CHODL: variants seen among roughly 807,000 people sequenced by gnomAD.
CHODL encodes chondrolectin.
In CHODL, 29 loss-of-function variants were observed where a neutral mutation model predicts 34.5. The observed-to-expected ratio is 0.84, with a 90% CI of 0.63 to 1.15. CHODL has a LOEUF of 1.15. Among genes scored for constraint, CHODL ranks in the 50% most tolerant of loss-of-function variants. CHODL has a pLI of 0.00. For missense variants in CHODL, 332 were observed against 332.5 expected, an observed-to-expected ratio of 1.00 and a Z score of 0.01; for synonymous variants, 125 against 116.1, an observed-to-expected ratio of 1.08 and a Z score of -0.49.
chr21:17,977,085 A>G (rs2063669331), intron 1 of CHODL, among the ~76,000 whole-genome samples: 1 of 152,230 alleles, frequency 6.6e-6, no homozygotes, highest in Non-Finnish European at 1.5e-5. Context: ...AGGTGGATTC[A>G]GCATTTCCTA....
rs1178964195 is a variant in CHODL at position 18,245,060 on chromosome 21, C to T, written c.-164C>T. The stretch of plus-strand genomic sequence containing the variant: ...GCACAGGCGCGGCAGGCGGCAGGTC[C>T]CGGCCGAAGGCGATGCGCGCAGGGG... On this transcript the variant is annotated 5_prime_UTR_variant, in exon 1 of 6. Transcript: ENST00000299295. 1.3e-5 allele frequency: 7 copies of T among 558,316 alleles called. No individual in the cohort carries two copies. The highest frequency in any genetic ancestry group is 2.0e-5 in the Non-Finnish European group (7 of 343,322). The allele number at this position is 558,316 out of a possible 1,614,324, so 34.6% of individuals were successfully genotyped here.
chr21:18,019,068 G>C (rs56289939), intron 1 of CHODL, among the ~76,000 whole-genome samples: 2,361 of 152,228 alleles, frequency 0.016, 37 homozygotes, highest in Non-Finnish European at 0.024. Context: ...AAACAATAAA[G>C]ATAAAAATGA....
At chr21:17,923,230 A>G (rs2063196148) in intron 1 of CHODL, among the ~76,000 whole-genome samples, 1 of 150,782 alleles carries the variant, frequency 6.6e-6, no homozygotes, top group Admixed American at 6.6e-5. Context: ...TTTTCCTTTC[A>G]CAAGCTTTTC....
intron 2 of CHODL, among the ~76,000 whole-genome samples, chr21:18,166,081 C>A (rs1223567843): frequency 1.3e-5 from 2 of 152,154 alleles, no homozygotes; most frequent in African/African-American, 4.8e-5. Context: ...CAGGCCGCAC[C>A]CTTTCTGGAG....
chr21:17,918,164 G>A (rs1297017177), intron 1 of CHODL, among the ~76,000 whole-genome samples: 1 of 151,774 alleles, frequency 6.6e-6, no homozygotes, highest in Non-Finnish European at 1.5e-5. Flanking sequence ...GGGGGTGAGG[G>A]GGGTTTTCAA....
chr21:17,972,816 A>C (rs1024291626), intron 1 of CHODL, among the ~76,000 whole-genome samples: 4 of 152,226 alleles, frequency 2.6e-5, no homozygotes, highest in African/African-American at 7.2e-5. Context: ...TGGAACCAAA[A>C]AAGAGCCCAT....
intron 2 of CHODL, among the ~76,000 whole-genome samples, chr21:18,092,988 G>A (rs558556350): frequency 6.6e-6 from 1 of 152,090 alleles, no homozygotes; most frequent in Admixed American, 6.6e-5. Context: ...GTACGAGAAG[G>A]TTATAGAACA....
chr21:18,050,478 TA>T (rs2064499989), intron 2 of CHODL, among the ~76,000 whole-genome samples: 1 of 151,970 alleles, frequency 6.6e-6, no homozygotes, highest in Non-Finnish European at 1.5e-5. Context: ...GCTGTGGCTG[TA>T]GTGCAGGGCA....
intron 1 of CHODL, among the ~76,000 whole-genome samples, chr21:17,965,644 G>C (rs115868774): frequency 6.6e-6 from 1 of 152,010 alleles, no homozygotes; most frequent in Non-Finnish European, 1.5e-5. Context: ...ATGATTTCAC[G>C]TCACTTTCTT....
intron 2 of CHODL, among the ~76,000 whole-genome samples, chr21:18,068,031 TTC>T (rs1054879313): frequency 1.3e-5 from 2 of 152,154 alleles, no homozygotes; most frequent in African/African-American, 4.8e-5. Flanking sequence ...AATACTTTTT[TTC>T]TCTTATTGGT....
At chr21:18,215,571 T>A (rs1428088762) in intron 2 of CHODL, among the ~76,000 whole-genome samples, 1 of 152,052 alleles carries the variant, frequency 6.6e-6, no homozygotes, top group Non-Finnish European at 1.5e-5. Context: ...AGTTGAAATA[T>A]ATACTTACAT....
chr21:18,029,036 GCTTT>G (rs565417481), intron 2 of CHODL, among the ~76,000 whole-genome samples: 86 of 152,246 alleles, frequency 5.6e-4, no homozygotes, highest in Non-Finnish European at 1.1e-3. Context: ...TACCCATTAT[GCTTT>G]CTCTTTCTCA....
chr21:18,056,658 A>G (rs559187981), intron 2 of CHODL, among the ~76,000 whole-genome samples: 72 of 151,368 alleles, frequency 4.8e-4, no homozygotes, highest in Admixed American at 3.1e-3. Context: ...AATTCCTCCT[A>G]TTTTTCATCT....
chr21:17,992,920 TGG>T (rs1210187472), intron 1 of CHODL, among the ~76,000 whole-genome samples: 1 of 152,244 alleles, frequency 6.6e-6, no homozygotes, highest in African/African-American at 2.4e-5. Context: ...CCGAAAGTCC[TGG>T]GACCACAGGT....
At chr21:18,077,102 G>A (rs561908295) in intron 2 of CHODL, among the ~76,000 whole-genome samples, 2 of 152,320 alleles carry the variant, frequency 1.3e-5, no homozygotes, top group South Asian at 4.1e-4. Context: ...ACCTCAGTGT[G>A]CATGGAGGGT....
At chr21:17,992,907 C>A (rs772250214) in intron 1 of CHODL, among the ~76,000 whole-genome samples, 1 of 151,982 alleles carries the variant, frequency 6.6e-6, no homozygotes, top group Non-Finnish European at 1.5e-5. Context: ...CTTGCCTCAG[C>A]CTCCGAAAGT....
chr21:18,246,250 G>C (rs1360501498), intron 1 of CHODL, among the ~76,000 whole-genome samples: 1 of 152,142 alleles, frequency 6.6e-6, no homozygotes, highest in Non-Finnish European at 1.5e-5. Context: ...ATTGCAATAA[G>C]TATTTGTTGG....
chr21:18,185,213 C>T (rs1349866774), intron 2 of CHODL, among the ~76,000 whole-genome samples: 2 of 152,088 alleles, frequency 1.3e-5, no homozygotes, highest in Non-Finnish European at 2.9e-5. Flanking sequence ...TGATGTTCCC[C>T]TCCCTGTGTC....
In CHODL at chr21:18,029,691, A is replaced by G. The variant is rs150139985; in HGVS notation, c.-45+1720A>G. 6.7e-3 allele frequency among the ~76,000 whole-genome samples: 1,022 copies of G among 152,196 alleles called. 13 individuals carry two copies. Among genetic ancestry groups the G allele is most frequent in the African/African-American group, 0.024 (982 of 41,530 alleles). On this transcript the variant is annotated intron_variant, in intron 2 of 6. Transcript: ENST00000400127. Reference sequence around the variant, plus strand: ...CAGGGAGGCTCCACTTCCCACAAAGAGACAAAGGAGGTAGGCATTCCTGTC... The same window carrying G: ...CAGGGAGGCTCCACTTCCCACAAAGGGACAAAGGAGGTAGGCATTCCTGTC...
Sources: gnomAD v4.1 joint callset for allele counts (sites outside exome capture counted in the v4.1 genomes callset) on GRCh38, gnomAD v4.1.1 for gene constraint, MANE v1.5 for transcripts, NCBI Gene and HGNC (gene_info 2026-07-23, HGNC 2026-07-21) for gene names.